Variants in KIRREL3 observed in about 807,000 individuals in gnomAD.
KIRREL3 encodes kirre like nephrin family adhesion molecule 3.
KIRREL3 carries 36 observed loss-of-function variants against 89.7 expected under a neutral mutation model. That is an observed-to-expected ratio of 0.40 (90% CI 0.31 to 0.53). The LOEUF is 0.53. Ranked by LOEUF, KIRREL3 falls within the 20% of genes least tolerant of loss-of-function variation. KIRREL3 has a pLI of 0.49. For synonymous variants in KIRREL3, 445 were observed against 441.4 expected (o/e 1.01, Z -0.10); for missense variants, 864 against 1,056.6 (o/e 0.82, Z 2.53).
chr11:126,597,166 A>G (rs927536223), intron 1 of KIRREL3, among the ~76,000 whole-genome samples: 1 of 152,084 alleles, frequency 6.6e-6, no homozygotes, highest in Non-Finnish European at 1.5e-5. Context: ...TACCCACCCA[A>G]TCAGAGCCCT....
chr11:126,549,571 G>A (rs1939094108), intron 2 of KIRREL3: 1 of 152,208 alleles, frequency 6.6e-6, no homozygotes, highest in East Asian at 1.9e-4. Context: ...CAACTTCTCT[G>A]GGGCTTTCTT....
chr11:126,901,496 T>A (rs1946369511), intron 1 of KIRREL3, among the ~76,000 whole-genome samples: 1 of 151,900 alleles, frequency 6.6e-6, no homozygotes, highest in African/African-American at 2.4e-5. Context: ...ATGTGAAGAG[T>A]CAGAGGGAGC....
At chr11:126,853,125 A>G (rs1944395683) in intron 1 of KIRREL3, among the ~76,000 whole-genome samples, 1 of 152,058 alleles carries the variant, frequency 6.6e-6, no homozygotes, top group Non-Finnish European at 1.5e-5. Context: ...AATGCTATCA[A>G]TTTCAATCAA....
intron 1 of KIRREL3, among the ~76,000 whole-genome samples, chr11:126,885,908 A>G (rs1331559977): frequency 1.3e-5 from 2 of 152,228 alleles, no homozygotes; most frequent in Non-Finnish European, 2.9e-5. Flanking sequence ...CACTGTCTAC[A>G]TTAACTGATT....
chr11:126,532,945 TA>T (rs1958988717), intron 2 of KIRREL3, among the ~76,000 whole-genome samples: 1 of 152,038 alleles, frequency 6.6e-6, no homozygotes, highest in Non-Finnish European at 1.5e-5. Context: ...TTTTTATTGC[TA>T]TAAAATTAGT....
rs530832499 is a variant in KIRREL3, at chr11:126,592,685, G to A, written c.56-29773C>T. ...GCCTGGGGCCAGAGGGAAGGGAGGA[G>A]GGAGCCAGGGTGGGGAGCCCAGGAG... On this transcript the variant is annotated intron_variant, in intron 1 of 16. Transcript: ENST00000525144. Among the ~76,000 whole-genome samples the A allele has an allele frequency of 1.5e-3, 227 of 152,348 alleles. 1 individual carries two copies. The highest frequency in any genetic ancestry group is 5.2e-3 in the African/African-American group (218 of 41,588).
intron 11 of KIRREL3, among the ~76,000 whole-genome samples, chr11:126,439,229 G>T (rs539860920): frequency 6.6e-6 from 1 of 152,170 alleles, no homozygotes; most frequent in Non-Finnish European, 1.5e-5. Flanking sequence ...TACTTGGAAG[G>T]TTGAGGCAGG....
At chr11:126,435,049 G>A (rs866792279) in intron 13 of KIRREL3, among the ~76,000 whole-genome samples, 2 of 152,120 alleles carry the variant, frequency 1.3e-5, no homozygotes, top group East Asian at 1.9e-4. Context: ...TGTGGGTTCC[G>A]GCGGCAGGCA....
At chr11:126,503,568 T>G (rs567299076) in intron 4 of KIRREL3, among the ~76,000 whole-genome samples, 71 of 152,222 alleles carry the variant, frequency 4.7e-4, no homozygotes, top group African/African-American at 1.5e-3. Flanking sequence ...AGCCATAGTT[T>G]CCTAAAAACA....
At chr11:126,509,021 C>T (rs1053592020) in intron 4 of KIRREL3, among the ~76,000 whole-genome samples, 3 of 152,206 alleles carry the variant, frequency 2.0e-5, no homozygotes, top group African/African-American at 4.8e-5. Context: ...GGTGCAGCTC[C>T]CGGAGTCTGG....
At chr11:126,923,594 C>A (rs1947568508) in intron 1 of KIRREL3, among the ~76,000 whole-genome samples, 1 of 151,982 alleles carries the variant, frequency 6.6e-6, no homozygotes, top group South Asian at 2.1e-4. Flanking sequence ...CAGGCACCTG[C>A]CACCACGCTC....
rs1948071721 is a variant in KIRREL3, at chr11:126,719,006, G to A, written c.56-156094C>T. 6.6e-6 allele frequency among the ~76,000 whole-genome samples: 1 copy of A among 152,162 alleles called. No homozygotes were observed. Among genetic ancestry groups the A allele is most frequent in the African/African-American group, 2.4e-5 (1 of 41,438 alleles). ...TTAATCATCTTCTTACAAATATGCTGTAATATCTCTAACTTTTTTAAAATG... is the reference window on the plus strand; with the variant it reads ...TTAATCATCTTCTTACAAATATGCTATAATATCTCTAACTTTTTTAAAATG... On this transcript the variant is annotated intron_variant, in intron 1 of 16. Transcript: ENST00000525144. This position sits in a 1 kb window ranked among gnomAD's most constrained non-coding sequence, Gnocchi z 4.7.
intron 1 of KIRREL3, among the ~76,000 whole-genome samples, chr11:126,852,843 A>G (rs1944387389): frequency 6.6e-6 from 1 of 152,134 alleles, no homozygotes; most frequent in African/African-American, 2.4e-5. Flanking sequence ...CCAGCTCTGG[A>G]AGGCAGGTGG....
intron 4 of KIRREL3, among the ~76,000 whole-genome samples, chr11:126,510,005 AAAAAAAAAAAAAAGAAAAAAGAAAAAAAG>A (rs1958157203): frequency 6.6e-6 from 1 of 150,432 alleles, no homozygotes; most frequent in African/African-American, 2.4e-5. Context: ...AAAAAAAAAA[AAAAAAAAAAAAAAGAAAAAAGAAAAAAAG>A]AAAAAAAAGA....
rs112053367 is a variant in KIRREL3 at position 126,917,488 on chromosome 11, T to C, written c.55+82967A>G. 6.7e-6 allele frequency among the ~76,000 whole-genome samples: 1 copy of C among 148,558 alleles called. No individual in the cohort carries two copies. Among genetic ancestry groups the C allele is most frequent in the Non-Finnish European group, 1.5e-5 (1 of 67,368 alleles). On this transcript the variant is annotated intron_variant, in intron 1 of 16. Transcript: ENST00000525144. The surrounding 1 kb of genome is among the most constrained non-coding windows in gnomAD (Gnocchi z 5.0). ...TATATATTTTACCACAATAAAAAAATTAAAAAAAAACAAGGAAAAACCTGC... is the reference window on the plus strand; with the variant it reads ...TATATATTTTACCACAATAAAAAAACTAAAAAAAAACAAGGAAAAACCTGC...
chr11:127,001,590 G>A (rs764314327), upstream of KIRREL3, among the ~76,000 whole-genome samples: 14 of 152,210 alleles, frequency 9.2e-5, no homozygotes, highest in Non-Finnish European at 1.3e-4. Context: ...GAGAGGCCAA[G>A]GTCATAGACA....
chr11:126,859,082 A>G (rs1671228890), intron 1 of KIRREL3, among the ~76,000 whole-genome samples: 1 of 152,160 alleles, frequency 6.6e-6, no homozygotes, highest in Non-Finnish European at 1.5e-5. Flanking sequence ...AGTTCTGCAA[A>G]GATAACTGTT....
rs1166645509 is a variant in KIRREL3 at position 126,885,712 on chromosome 11, C to T, written c.55+114743G>A. ...TTCTGAATAAGAGAGTATCACTTAG[C>T]TGAAGGACAGAGCAGAGGGCAGCAG... On this transcript the variant is annotated intron_variant, in intron 1 of 16. Coordinates refer to ENST00000525144, the MANE Select transcript of KIRREL3 (RefSeq NM_032531.4). Among the ~76,000 whole-genome samples, 3 of 152,296 alleles carry T rather than the reference C, an allele frequency of 2.0e-5. No homozygotes were observed. In the East Asian group the frequency reaches 5.8e-4, roughly 29 times the overall value.
intron 1 of KIRREL3, among the ~76,000 whole-genome samples, chr11:126,657,591 G>A (rs1452830344): frequency 3.9e-5 from 6 of 152,160 alleles, no homozygotes; most frequent in South Asian, 2.1e-4. Flanking sequence ...GGGAACTCAG[G>A]GCCTGTAGAT....
Sources: gnomAD v4.1 joint callset for allele counts (sites outside exome capture counted in the v4.1 genomes callset) on GRCh38, gnomAD v4.1.1 for gene constraint, Gnocchi (gnomAD v3.1) non-coding constraint, MANE v1.5 for transcripts, NCBI Gene and HGNC (gene_info 2026-07-23, HGNC 2026-07-21) for gene names.